Variants in PRKD1 observed in about 807,000 individuals in gnomAD.
PRKD1 encodes serine/threonine-protein kinase D1.
In PRKD1, 63 loss-of-function variants were observed where a neutral mutation model predicts 95.9. The ratio of observed to expected loss-of-function variants is 0.66; its 90% CI spans 0.54 to 0.81. PRKD1 has a LOEUF of 0.81. PRKD1 is among the 30% of genes least tolerant of loss of function. The probability of loss-of-function intolerance (pLI) is 0.00; values close to 1 mark genes in which losing one functional copy is unlikely to be tolerated. For synonymous variants in PRKD1, 425 were observed against 423.1 expected, an observed-to-expected ratio of 1.00 and a Z score of -0.05; for missense variants, 1,048 against 1,165.3, an observed-to-expected ratio of 0.90 and a Z score of 1.47.
At chr14:29,786,527 T>C (rs1055498353) in intron 1 of PRKD1, among the ~76,000 whole-genome samples, 1 of 152,190 alleles carries the variant, frequency 6.6e-6, no homozygotes, top group Non-Finnish European at 1.5e-5. Flanking sequence ...TTCTTGCTAA[T>C]GGTCTGTTCA....
chr14:29,919,525 T>C (rs1167761566), intron 1 of PRKD1, among the ~76,000 whole-genome samples: 1 of 152,224 alleles, frequency 6.6e-6, no homozygotes, highest in African/African-American at 2.4e-5. Context: ...TCACAACTGG[T>C]TTTTAATGGC....
At chr14:29,733,438 A>G (rs190158708) in intron 1 of PRKD1, among the ~76,000 whole-genome samples, 10 of 152,268 alleles carry the variant, frequency 6.6e-5, no homozygotes, top group Non-Finnish European at 1.3e-4. Flanking sequence ...CTAATCTGCC[A>G]TTTAAATATA....
intron 2 of PRKD1, 91 bp downstream of exon 2, chr14:29,725,445 C>T (rs978349592): frequency 4.8e-6 from 7 of 1,455,708 alleles, no homozygotes; most frequent in African/African-American, 1.4e-5. Context: ...TTGAGATATG[C>T]TTTTTATGTT....
intron 16 of PRKD1, among the ~76,000 whole-genome samples, chr14:29,578,966 T>C (rs945587811): frequency 3.3e-5 from 5 of 152,064 alleles, no homozygotes; most frequent in South Asian, 2.1e-4. Context: ...ATAACCAATG[T>C]ATTGGAATTA....
intron 2 of PRKD1, among the ~76,000 whole-genome samples, chr14:29,671,667 G>C (rs1882851530): frequency 6.6e-6 from 1 of 152,028 alleles, no homozygotes; most frequent in South Asian, 2.1e-4. Flanking sequence ...TGAGAAAGGG[G>C]CTTTAAAGAA....
intron 1 of PRKD1, among the ~76,000 whole-genome samples, chr14:29,894,640 G>A (rs1039491706): frequency 6.6e-6 from 1 of 152,214 alleles, no homozygotes; most frequent in South Asian, 2.1e-4. Flanking sequence ...GGACCATGGG[G>A]TTAACAGTGG....
intron 2 of PRKD1, among the ~76,000 whole-genome samples, chr14:29,672,271 G>A (rs1177282930): frequency 6.6e-6 from 1 of 151,798 alleles, no homozygotes; most frequent in Non-Finnish European, 1.5e-5. Flanking sequence ...AACTTGGGAG[G>A]CAGAGCTTGC....
At chr14:29,674,322 A>G (rs577009016) in intron 2 of PRKD1, among the ~76,000 whole-genome samples, 5 of 152,142 alleles carry the variant, frequency 3.3e-5, no homozygotes, top group Admixed American at 3.3e-4. Flanking sequence ...TTTCCTATCT[A>G]CTGTTCTGGT....
intron 16 of PRKD1, among the ~76,000 whole-genome samples, chr14:29,582,187 C>T (rs1892776546): frequency 6.6e-6 from 1 of 152,142 alleles, no homozygotes; most frequent in African/African-American, 2.4e-5. Flanking sequence ...TCATTTTCTT[C>T]TCAGGGCCAA....
chr14:29,734,223 G>C (rs1165960974), intron 1 of PRKD1, among the ~76,000 whole-genome samples: 3 of 151,606 alleles, frequency 2.0e-5, no homozygotes, highest in African/African-American at 7.3e-5. Context: ...TGTATTTTTA[G>C]TAGAGACGGG....
intron 2 of PRKD1, among the ~76,000 whole-genome samples, chr14:29,696,864 C>A (rs1431583748): frequency 1.3e-5 from 2 of 151,944 alleles, no homozygotes; most frequent in Non-Finnish European, 1.5e-5. Flanking sequence ...TACTCAGCTT[C>A]CATGGAAGGA....
intron 1 of PRKD1, among the ~76,000 whole-genome samples, chr14:29,865,601 A>G (rs1296533877): frequency 6.6e-6 from 1 of 152,184 alleles, no homozygotes; most frequent in Admixed American, 6.6e-5. Flanking sequence ...TCATGGGATG[A>G]TGAGGCACAA....
At chr14:29,705,995 G>T (rs1327377658) in intron 2 of PRKD1, among the ~76,000 whole-genome samples, 1 of 152,074 alleles carries the variant, frequency 6.6e-6, no homozygotes, top group East Asian at 1.9e-4. Context: ...AAGTAGAATT[G>T]CTGGGAACTT....
At chr14:29,740,083 AC>A (rs1886919504) in intron 1 of PRKD1, among the ~76,000 whole-genome samples, 2 of 152,202 alleles carry the variant, frequency 1.3e-5, no homozygotes, top group African/African-American at 4.8e-5. Context: ...TTATACCTTG[AC>A]AGATTACTAG....
intron 1 of PRKD1, among the ~76,000 whole-genome samples, chr14:29,735,725 C>T (rs1886681562): frequency 6.6e-6 from 1 of 152,064 alleles, no homozygotes; most frequent in Non-Finnish European, 1.5e-5. Flanking sequence ...TCTTCAAGAA[C>T]CCCTCTATAT....
intron 1 of PRKD1, among the ~76,000 whole-genome samples, chr14:29,746,831 T>C (rs1208045978): frequency 6.6e-6 from 1 of 152,192 alleles, no homozygotes; most frequent in Non-Finnish European, 1.5e-5. Context: ...TATAAAATGA[T>C]TCACTTTATT....
intron 2 of PRKD1, among the ~76,000 whole-genome samples, chr14:29,704,999 A>T (rs1885011015): frequency 6.6e-6 from 1 of 152,116 alleles, no homozygotes; most frequent in South Asian, 2.1e-4. Flanking sequence ...ATAAAATGCC[A>T]CTTTAGATTG....
chr14:29,689,268 G>T (rs926087898), intron 2 of PRKD1, among the ~76,000 whole-genome samples: 3 of 147,994 alleles, frequency 2.0e-5, no homozygotes, highest in East Asian at 4.0e-4. Flanking sequence ...AAATTTACAA[G>T]AAAAAAAAAA....
intron 1 of PRKD1, among the ~76,000 whole-genome samples, chr14:29,779,676 T>C (rs1481154108): frequency 1.3e-5 from 2 of 152,132 alleles, no homozygotes; most frequent in Non-Finnish European, 2.9e-5. Flanking sequence ...TGCTCATAGA[T>C]AGGAAGAATC....
Sources: allele counts gnomAD v4.1 joint callset (sites outside exome capture counted in the v4.1 genomes callset), GRCh38; gene constraint gnomAD v4.1.1; transcripts MANE v1.5; gene names NCBI Gene and HGNC (gene_info 2026-07-23, HGNC 2026-07-21).